Variants in KIRREL3 observed in about 807,000 individuals in gnomAD.
KIRREL3 encodes kin of IRRE-like protein 3.
In KIRREL3, 36 loss-of-function variants were observed where a neutral mutation model predicts 89.7. The ratio of observed to expected loss-of-function variants is 0.40; its 90% CI spans 0.31 to 0.53. The LOEUF (loss-of-function observed/expected upper bound fraction) is 0.53, where lower values mean the gene tolerates loss of function less well. Ranked by LOEUF, KIRREL3 falls within the 20% of genes least tolerant of loss-of-function variation. The pLI, the probability that KIRREL3 is intolerant of heterozygous loss-of-function variation, is 0.49. For synonymous variants in KIRREL3, 445 were observed against 441.4 expected (o/e 1.01, Z -0.10); for missense variants, 864 against 1,056.6 (o/e 0.82, Z 2.53).
At chr11:126,957,630 G>A (rs962953518) in intron 1 of KIRREL3, among the ~76,000 whole-genome samples, 9 of 152,126 alleles carry the variant, frequency 5.9e-5, no homozygotes, top group African/African-American at 1.4e-4. Context: ...GTTCTTGGAT[G>A]GGAGAAGTTT....
At chr11:126,464,072 G>C (rs1956638134) in intron 5 of KIRREL3, among the ~76,000 whole-genome samples, 1 of 152,114 alleles carries the variant, frequency 6.6e-6, no homozygotes, top group Non-Finnish European at 1.5e-5. Flanking sequence ...TTGTCTACCA[G>C]GAACCTCAGA....
chr11:126,838,532 G>A (rs537145404), intron 1 of KIRREL3, among the ~76,000 whole-genome samples: 1 of 152,284 alleles, frequency 6.6e-6, no homozygotes, highest in African/African-American at 2.4e-5. Context: ...TGGGTAAGAG[G>A]GGACATTTGA....
Position 126,771,283 on chromosome 11 carries a change from C to T in KIRREL3, c.56-208371G>A, listed in dbSNP as rs1419145108. 2.0e-5 allele frequency among the ~76,000 whole-genome samples: 3 copies of T among 151,772 alleles called. No homozygotes were observed. Among genetic ancestry groups the T allele is most frequent in the Non-Finnish European group, 2.9e-5 (2 of 67,938 alleles). On this transcript the variant is annotated intron_variant, in intron 1 of 16. Coordinates refer to ENST00000525144, the MANE Select transcript of KIRREL3 (RefSeq NM_032531.4). This position sits in a 1 kb window ranked among gnomAD's most constrained non-coding sequence, Gnocchi z 4.4. The stretch of plus-strand genomic sequence containing the variant: ...TTTTTTTTTAAACAGATGAGGAAAC[C>T]GAGGCTTAGAGTGGTTAAATGACCT...
chr11:126,929,207 G>A (rs1406505664), intron 1 of KIRREL3, among the ~76,000 whole-genome samples: 3 of 152,102 alleles, frequency 2.0e-5, no homozygotes, highest in Non-Finnish European at 2.9e-5. Flanking sequence ...ATTTTAAGGA[G>A]GACAGAGAGG....
chr11:126,821,451 A>T (rs1943225114), intron 1 of KIRREL3, among the ~76,000 whole-genome samples: 1 of 150,850 alleles, frequency 6.6e-6, no homozygotes, highest in African/African-American at 2.5e-5. Flanking sequence ...TTTCAGGAGA[A>T]GTGGCATTTG....
At position 126,689,452 on chromosome 11, in the gene KIRREL3, G is replaced by T. The variant is rs188587895; in HGVS notation, c.56-126540C>A. ...TGCTTGCTGGAGATCACAGGGCTAG[G>T]CCACTTCTGCTCCTTGCAAGCTCCA... On this transcript the variant is annotated intron_variant, in intron 1 of 16. Transcript: ENST00000525144. The surrounding 1 kb of genome is among the most constrained non-coding windows in gnomAD (Gnocchi z 5.2). Among the ~76,000 whole-genome samples the T allele has an allele frequency of 4.1e-4, 62 of 152,292 alleles. No individual in the cohort carries two copies. Among genetic ancestry groups the T allele is most frequent in the African/African-American group, 1.5e-3 (62 of 41,554 alleles).
rs944227998 is a variant in KIRREL3, at chr11:126,903,150, C to T, written c.55+97305G>A. On this transcript the variant is annotated intron_variant, in intron 1 of 16. Transcript: ENST00000525144. This position sits in a 1 kb window ranked among gnomAD's most constrained non-coding sequence, Gnocchi z 4.5. ...AAGCACTCTCTCAGGCACAAATATG[C>T]TTCTGATTTAAGAAATTATTATAGA... Among the ~76,000 whole-genome samples the T allele has an allele frequency of 2.0e-5, 3 of 152,110 alleles. No individual in the cohort carries two copies. Among genetic ancestry groups the T allele is most frequent in the South Asian group, 2.1e-4 (1 of 4,820 alleles).
Position 126,699,822 on chromosome 11 carries a change from G to A in KIRREL3, c.56-136910C>T, listed in dbSNP as rs192146840. 3.5e-3 allele frequency among the ~76,000 whole-genome samples: 527 copies of A among 152,206 alleles called. 2 individuals carry two copies. Among genetic ancestry groups the A allele is most frequent in the Non-Finnish European group, 5.9e-3 (402 of 68,024 alleles). ...ATAGTTTAGGCCCGCGAAGTAATTC[G>A]CTAAACACTTTCACATACATTATCT... is the stretch of plus-strand genomic sequence containing the variant. On this transcript the variant is annotated intron_variant, in intron 1 of 16. Transcript: ENST00000525144.
rs978481308 is a variant in KIRREL3 at position 126,940,548 on chromosome 11, A to T, written c.55+59907T>A. ...CTGCATTTAAATTTACAACAGAGAG[A>T]AGTAACTTTTCCTCATTTCCACGGT... is the stretch of plus-strand genomic sequence containing the variant. On this transcript the variant is annotated intron_variant, in intron 1 of 16. Coordinates refer to ENST00000525144, the MANE Select transcript of KIRREL3 (RefSeq NM_032531.4). This position sits in a 1 kb window ranked among gnomAD's most constrained non-coding sequence, Gnocchi z 4.6. 6.6e-6 allele frequency: 1 copy of T among 152,188 alleles called. No individual in the cohort carries two copies. Among genetic ancestry groups the T allele is most frequent in the African/African-American group, 2.4e-5 (1 of 41,434 alleles). 9.4% of individuals were successfully genotyped at this position (152,188 alleles called of 1,614,324 possible).
In KIRREL3 at chr11:126,991,595, C is replaced by A. The variant is rs939336613; in HGVS notation, c.55+8860G>T. ...TATTTCCTCTGGAAACTTTGTACCCCGAGGTAAAACTGAATGCCAGAAAGA... is the reference window on the plus strand; with the variant it reads ...TATTTCCTCTGGAAACTTTGTACCCAGAGGTAAAACTGAATGCCAGAAAGA... On this transcript the variant is annotated intron_variant, in intron 1 of 16. Transcript: ENST00000525144. The surrounding 1 kb of genome is among the most constrained non-coding windows in gnomAD (Gnocchi z 5.8). 2.6e-5 allele frequency among the ~76,000 whole-genome samples: 4 copies of A among 152,164 alleles called. No individual in the cohort carries two copies. In the South Asian group the frequency reaches 8.3e-4, roughly 32 times the overall value.
chr11:126,647,902 T>C lies in KIRREL3; in HGVS notation c.56-84990A>G, dbSNP rs1365519092. On this transcript the variant is annotated intron_variant, in intron 1 of 16. Transcript: ENST00000525144. The surrounding 1 kb of genome is among the most constrained non-coding windows in gnomAD (Gnocchi z 4.9). ...TGCTCTCCGGGGTCTGGCCTCGTTGTTACACTTTGACTTAATCTTCACTCT... is the reference window on the plus strand; with the variant it reads ...TGCTCTCCGGGGTCTGGCCTCGTTGCTACACTTTGACTTAATCTTCACTCT... Among the ~76,000 whole-genome samples, 9 of 152,222 alleles carry C rather than the reference T, an allele frequency of 5.9e-5. No homozygotes were observed. Among genetic ancestry groups the C allele is most frequent in the Non-Finnish European group, 2.9e-5 (2 of 68,044 alleles).
chr11:126,468,252 GC>G lies in KIRREL3; in HGVS notation c.592-4946del, dbSNP rs1445647513. ...AATGTGGTCTCCACTCTGGCGCCAG[GC>G]CCTCAGAAGTATGAGGAACAGGGAA... On this transcript the variant is annotated intron_variant, in intron 5 of 16. Coordinates refer to ENST00000525144, the MANE Select transcript of KIRREL3 (RefSeq NM_032531.4). Among the ~76,000 whole-genome samples the G allele has an allele frequency of 7.9e-5, 12 of 152,336 alleles. 2 individuals are homozygous for G. The highest frequency in any genetic ancestry group is 2.4e-4 in the African/African-American group (10 of 41,568).
intron 1 of KIRREL3, among the ~76,000 whole-genome samples, chr11:126,726,058 G>T (rs1592028030): frequency 6.6e-6 from 1 of 152,102 alleles, no homozygotes; most frequent in Non-Finnish European, 1.5e-5. Context: ...CAGTGGACAG[G>T]GCCCTGGAGA....
chr11:126,876,303 A>G lies in KIRREL3; in HGVS notation c.55+124152T>C, dbSNP rs980712346. Among the ~76,000 whole-genome samples, 1 of 152,154 alleles carries G rather than the reference A, an allele frequency of 6.6e-6. No individual in the cohort carries two copies. The highest frequency in any genetic ancestry group is 1.5e-5 in the Non-Finnish European group (1 of 68,028). ...ATCTGCTGGAGGCAACGATCTCTAG[A>G]CTCAGTTTCTCAGCCTGAAGGCACG... is the stretch of plus-strand genomic sequence containing the variant. On this transcript the variant is annotated intron_variant, in intron 1 of 16. Transcript: ENST00000525144. The surrounding 1 kb of genome is among the most constrained non-coding windows in gnomAD (Gnocchi z 4.1).
Position 126,454,991 on chromosome 11 carries a change from C to A in KIRREL3, c.848+1358G>T, listed in dbSNP as rs949550637. Among the ~76,000 whole-genome samples, 8 of 152,208 alleles carry A rather than the reference C, an allele frequency of 5.3e-5. No individual in the cohort carries two copies. Among genetic ancestry groups the A allele is most frequent in the African/African-American group, 1.9e-4 (8 of 41,446 alleles). ...GCACCTCCTCATGTCCAACCTGAAT[C>A]CCTGGCTGTCCCTGTGGCCCATTTC... On this transcript the variant is annotated intron_variant, in intron 7 of 16. Transcript: ENST00000525144. The surrounding 1 kb of genome is among the most constrained non-coding windows in gnomAD (Gnocchi z 5.8).
rs748121575 is a variant in KIRREL3, at chr11:126,576,291, C to T, written c.56-13379G>A. Among the ~76,000 whole-genome samples, 2 of 152,188 alleles carry T rather than the reference C, an allele frequency of 1.3e-5. No homozygotes were observed. Among genetic ancestry groups the T allele is most frequent in the Non-Finnish European group, 2.9e-5 (2 of 68,046 alleles). On this transcript the variant is annotated intron_variant, in intron 1 of 16. Transcript: ENST00000525144. The surrounding 1 kb of genome is among the most constrained non-coding windows in gnomAD (Gnocchi z 5.4). ...CTATAAGTCAGCCTCAGGTATGGGT[C>T]AGCTTTATGTAGTTAACCTTCCAGT...
intron 1 of KIRREL3, among the ~76,000 whole-genome samples, chr11:126,625,127 C>T (rs117719009): frequency 4.6e-5 from 7 of 152,184 alleles, no homozygotes; most frequent in African/African-American, 1.7e-4. Context: ...CTAATCTTAA[C>T]AGCGTCTACC....
chr11:126,487,321 G>A (rs970543102), intron 4 of KIRREL3, among the ~76,000 whole-genome samples: 9 of 152,132 alleles, frequency 5.9e-5, no homozygotes, highest in African/African-American at 2.2e-4. Context: ...GCGGGGCGTG[G>A]GGTGCAAGTC....
rs147862547 is a variant in KIRREL3 at position 126,554,756 on chromosome 11, C to T, written c.133+8079G>A. On this transcript the variant is annotated intron_variant, in intron 2 of 16. Transcript: ENST00000525144. ...AACCCCACCCTTAAGCCTGGAACTG[C>T]AGCCCTTAGTGAAAACAGGTGACTC... 2.4e-4 allele frequency among the ~76,000 whole-genome samples: 36 copies of T among 152,312 alleles called. No homozygotes were observed. The East Asian group carries it at 5.6e-3, about 24-fold the overall frequency.
Sources: allele counts gnomAD v4.1 joint callset (sites outside exome capture counted in the v4.1 genomes callset), GRCh38; gene constraint gnomAD v4.1.1; non-coding constraint Gnocchi (gnomAD v3.1); transcripts MANE v1.5; gene names NCBI Gene and HGNC (gene_info 2026-07-23, HGNC 2026-07-21).